HDAC9: variants seen among roughly 807,000 people sequenced by gnomAD.
The protein encoded by HDAC9 is histone deacetylase 9, also known as MEF-2 interacting transcription repressor (MITR) protein.
In HDAC9, 41 loss-of-function variants were observed where a neutral mutation model predicts 139.4. That is an observed-to-expected ratio of 0.29 (90% confidence interval 0.23 to 0.38). HDAC9 has a LOEUF of 0.38. HDAC9 is among the 10% of genes least tolerant of loss of function. The pLI, the probability that HDAC9 is intolerant of heterozygous loss-of-function variation, is 1.00. For synonymous variants in HDAC9, 517 were observed against 476.2 expected (o/e 1.09, Z -1.12); for missense variants, 1,147 against 1,297.0 (o/e 0.88, Z 1.78).
At chr7:18,323,723 G>A (rs1800212568) in intron 1 of HDAC9, among the ~76,000 whole-genome samples, 1 of 152,064 alleles carries the variant, frequency 6.6e-6, no homozygotes, top group Non-Finnish European at 1.5e-5. Context: ...AATAGTCTTT[G>A]GTGAGTACCA....
intron 1 of HDAC9, among the ~76,000 whole-genome samples, chr7:18,349,307 TACACAC>T (rs3138825): frequency 0.079 from 9,919 of 125,584 alleles, 400 homozygotes; most frequent in African/African-American, 0.099. Context: ...TGAGAACATC[TACACAC>T]ACACACACAC....
intron 2 of HDAC9, among the ~76,000 whole-genome samples, chr7:18,175,153 G>A (rs113021356): frequency 3.0e-4 from 45 of 152,288 alleles, no homozygotes; most frequent in East Asian, 2.7e-3. Context: ...CTACTCAAGC[G>A]TCAGCAGTGG....
At chr7:18,949,891 A>C (rs2129321139) in intron 23 of HDAC9, 1 of 151,926 alleles carries the variant, frequency 6.6e-6, no homozygotes, top group East Asian at 1.9e-4. Context: ...AAATATACGT[A>C]TTTTATATAT....
intron 12 of HDAC9, among the ~76,000 whole-genome samples, chr7:18,707,854 A>AGTGTGT (rs61496259): frequency 0.025 from 3,699 of 149,582 alleles, 113 homozygotes; most frequent in African/African-American, 0.074. Flanking sequence ...AGGGGAAAGG[A>AGTGTGT]GTGTGTGTGT....
intron 2 of HDAC9, among the ~76,000 whole-genome samples, chr7:18,505,351 A>G (rs529266523): frequency 6.6e-6 from 1 of 152,216 alleles, no homozygotes; most frequent in African/African-American, 2.4e-5. Flanking sequence ...GGTTTGAATT[A>G]TACTCACCTT....
At chr7:18,267,002 C>A (rs1796048263) in intron 2 of HDAC9, among the ~76,000 whole-genome samples, 1 of 151,946 alleles carries the variant, frequency 6.6e-6, no homozygotes, top group African/African-American at 2.4e-5. Context: ...AGGTTTTAAC[C>A]TGACTTCTGT....
At chr7:18,987,845 T>G (rs1430724775) in intron 25 of HDAC9, among the ~76,000 whole-genome samples, 1 of 152,232 alleles carries the variant, frequency 6.6e-6, no homozygotes, top group African/African-American at 2.4e-5. Context: ...ATTTTCTAGT[T>G]TATTGGCGTA....
intron 23 of HDAC9, among the ~76,000 whole-genome samples, chr7:18,943,401 A>G (rs912342272): frequency 6.6e-6 from 1 of 152,186 alleles, no homozygotes; most frequent in East Asian, 1.9e-4. Context: ...CCTCTTTCCA[A>G]TTGACCGCTA....
intron 25 of HDAC9, among the ~76,000 whole-genome samples, chr7:18,989,161 A>G (rs1302156455): frequency 6.8e-6 from 1 of 147,476 alleles, no homozygotes. Flanking sequence ...CCTAGTCTCG[A>G]TGGTCTTTAC....
At chr7:18,854,386 A>T (rs1298834020) in intron 21 of HDAC9, among the ~76,000 whole-genome samples, 1 of 152,130 alleles carries the variant, frequency 6.6e-6, no homozygotes, top group African/African-American at 2.4e-5. Flanking sequence ...TTGGCTACAG[A>T]TATTATGTAA....
chr7:18,970,434 T>C (rs1784173801), intron 24 of HDAC9, among the ~76,000 whole-genome samples: 1 of 152,166 alleles, frequency 6.6e-6, no homozygotes, highest in Non-Finnish European at 1.5e-5. Context: ...GGCCAACTGA[T>C]AAAAATAATT....
intron 16 of HDAC9, among the ~76,000 whole-genome samples, chr7:18,774,121 T>G (rs922483394): frequency 2.0e-5 from 3 of 151,978 alleles, no homozygotes; most frequent in African/African-American, 7.2e-5. Context: ...AGCTTCTGAG[T>G]TTTAGACTAG....
intron 12 of HDAC9, among the ~76,000 whole-genome samples, chr7:18,689,258 C>T (rs961305417): frequency 1.2e-4 from 18 of 151,718 alleles, no homozygotes; most frequent in Non-Finnish European, 2.2e-4. Context: ...TCCCTCCCAC[C>T]GTAGGATAAA....
intron 12 of HDAC9, among the ~76,000 whole-genome samples, chr7:18,720,914 C>T (rs1785098978): frequency 1.3e-5 from 2 of 152,062 alleles, no homozygotes. Flanking sequence ...CTCCTGGGCT[C>T]AAGCATTTCT....
intron 1 of HDAC9, among the ~76,000 whole-genome samples, chr7:18,387,943 GA>G (rs140295746): frequency 5.4e-5 from 8 of 147,526 alleles, no homozygotes; most frequent in South Asian, 4.3e-4. Context: ...TCTGTGGAGA[GA>G]AAAAAAAAAG....
intron 6 of HDAC9, among the ~76,000 whole-genome samples, chr7:18,609,543 T>C (rs1161466686): frequency 2.6e-5 from 4 of 152,152 alleles, no homozygotes; most frequent in African/African-American, 9.7e-5. Flanking sequence ...ACACAAGTCT[T>C]AGTAAAAGCA....
chr7:18,933,159 A>G (rs578085561), intron 22 of HDAC9, among the ~76,000 whole-genome samples: 1 of 152,198 alleles, frequency 6.6e-6, no homozygotes, highest in African/African-American at 2.4e-5. Context: ...AACAACAGAA[A>G]TTTATTTCTC....
At chr7:18,834,519 T>C (rs1412739097) in intron 19 of HDAC9, among the ~76,000 whole-genome samples, 2 of 147,732 alleles carry the variant, frequency 1.4e-5, no homozygotes. Flanking sequence ...TGTCAAGTTT[T>C]ATATCAGGCT....
At chr7:18,812,585 C>A (rs554068522) in intron 17 of HDAC9, among the ~76,000 whole-genome samples, 37 of 151,530 alleles carry the variant, frequency 2.4e-4, no homozygotes, top group African/African-American at 8.7e-4. Flanking sequence ...TATTTTTTCT[C>A]TGGTTCTTTT....
Sources: gnomAD v4.1 joint callset for allele counts (sites outside exome capture counted in the v4.1 genomes callset) on GRCh38, gnomAD v4.1.1 for gene constraint, MANE v1.5 for transcripts, NCBI Gene and HGNC (gene_info 2026-07-23, HGNC 2026-07-21) for gene names.